Variants in NF1 observed in about 807,000 individuals in gnomAD.
NF1 encodes the protein neurofibromin 1.
In NF1, 122 loss-of-function variants were observed where a neutral mutation model predicts 325.7. The ratio of observed to expected loss-of-function variants is 0.37; its 90% CI spans 0.32 to 0.44. The LOEUF (loss-of-function observed/expected upper bound fraction) is 0.44. NF1 is among the 20% of genes least tolerant of loss of function. The pLI, the probability that NF1 is intolerant of heterozygous loss-of-function variation, is 1.00. For synonymous variants in NF1, 1,091 were observed against 1,186.0 expected (o/e 0.92, Z 1.65); for missense variants, 2,140 against 3,415.4 (o/e 0.63, Z 9.31).
In NF1 at chr17:31,181,727, A is replaced by G. The variant is rs2143777618; in HGVS notation, c.672A>G (p.Val224=). ...ATTTATAGGCATTTTGGAACTGGGT[A>G]GAAAATTATCCAGATGAATTTACAA... ...NSLEKAFWNW[V]ENYPDEFTKL... Residue 224 remains valine, a synonymous_variant, in exon 7 of 58, where the codon GTA becomes GTG. Transcript: ENST00000358273. The G allele has an allele frequency of 6.2e-7, 1 of 1,609,582 alleles. No homozygotes were observed. Among genetic ancestry groups the G allele is most frequent in the South Asian group, 1.1e-5 (1 of 91,000 alleles).
chr17:31,264,681 G>A (rs1194516656), intron 35 of NF1, among the ~76,000 whole-genome samples: 2 of 152,248 alleles, frequency 1.3e-5, no homozygotes, highest in South Asian at 2.1e-4. Flanking sequence ...AGCACACTGA[G>A]TCTTGAGCAA....
chr17:31,342,879 A>T, intron 47 of NF1, 130 bp from the exon 48 acceptor site: 3 of 1,173,864 alleles, frequency 2.6e-6, no homozygotes, highest in Non-Finnish European at 3.7e-6. Context: ...TCTGCAGTCA[A>T]CTGAAAATAA....
intron 29 of NF1, among the ~76,000 whole-genome samples, chr17:31,247,677 G>A (rs1157228877): frequency 6.6e-6 from 1 of 152,148 alleles, no homozygotes; most frequent in Non-Finnish European, 1.5e-5. Flanking sequence ...TTAGGTAGCT[G>A]CCTTAGAGAA....
intron 8 of NF1, among the ~76,000 whole-genome samples, chr17:31,184,746 A>G (rs2143799183): frequency 1.3e-5 from 2 of 152,352 alleles, no homozygotes; most frequent in South Asian, 4.1e-4. Context: ...CTGAGCCTCA[A>G]ATCTGCTAAG....
chr17:31,318,712 C>A, intron 36 of NF1: 1 of 1,614,060 alleles, frequency 6.2e-7, no homozygotes, highest in Non-Finnish European at 8.5e-7. Flanking sequence ...AGGACTGTTG[C>A]TGACGACAGA....
intron 1 of NF1, among the ~76,000 whole-genome samples, chr17:31,124,970 T>A (rs1389137754): frequency 1.3e-5 from 2 of 149,568 alleles, no homozygotes; most frequent in African/African-American, 5.1e-5. Context: ...TTGTACAGTT[T>A]ATACTTAAAA....
chr17:31,176,725 TG>T (rs2066029227), intron 5 of NF1, among the ~76,000 whole-genome samples: 1 of 152,240 alleles, frequency 6.6e-6, no homozygotes, highest in Non-Finnish European at 1.5e-5. Context: ...TTTCTGCATA[TG>T]GCTAGCCAGT....
chr17:31,123,914 A>G (rs1001954554), intron 1 of NF1, among the ~76,000 whole-genome samples: 1 of 151,948 alleles, frequency 6.6e-6, no homozygotes, highest in African/African-American at 2.4e-5. Context: ...GTCTCTTTAT[A>G]TGTTTATGTG....
rs1192120725 is a variant in NF1, at chr17:31,337,843, T to C, written c.6667T>C (p.Cys2223Arg). 3.7e-6 allele frequency: 6 copies of C among 1,613,900 alleles called. No homozygotes were observed. Among genetic ancestry groups the C allele is most frequent in the Non-Finnish European group, 5.1e-6 (6 of 1,179,934 alleles). ...GGCATGCATGAGAGATATTCCAACGTGCAAGTGGCTGGACCAGTGGACAGA... is the reference window on the plus strand; with the variant it reads ...GGCATGCATGAGAGATATTCCAACGCGCAAGTGGCTGGACCAGTGGACAGA... ...MEACMRDIPT[C>R]KWLDQWTELA... The change falls in exon 44 of 58, where the codon TGC becomes CGC. Residue 2223 changes from cysteine to arginine, a missense_variant. By Grantham distance (180) the Cys-to-Arg change is radical. Transcript: ENST00000358273.
rs1555534661 is a variant in NF1, at chr17:31,336,634, G to T, written c.6148-1G>T. The T allele has an allele frequency of 6.2e-7, 1 of 1,607,850 alleles. No individual in the cohort carries two copies. Among genetic ancestry groups the T allele is most frequent in the Admixed American group, 1.7e-5 (1 of 59,186 alleles). ...AAAAAAAAAATCCTGCTTCTTTACAGGTTATTGGAAGGATGTGCAAAATAA... is the reference window on the plus strand; with the variant it reads ...AAAAAAAAAATCCTGCTTCTTTACATGTTATTGGAAGGATGTGCAAAATAA... On this transcript the variant is annotated splice_acceptor_variant, in intron 41 of 57. Coordinates refer to ENST00000358273, the MANE Select transcript of NF1 (RefSeq NM_001042492.3). LOFTEE classifies it high-confidence loss of function. The surrounding 1 kb of genome is among the most constrained non-coding windows in gnomAD (Gnocchi z 5.5).
At position 31,112,251 on chromosome 17, in the gene NF1, A is replaced by G. The variant is rs528875918; in HGVS notation, c.60+16882A>G. Among the ~76,000 whole-genome samples the G allele has an allele frequency of 2.6e-5, 4 of 152,312 alleles. No homozygotes were observed. The East Asian group carries it at 7.7e-4, about 29-fold the overall frequency. ...AAATAAAGTTGTCTTGAAGATTCAT[A>G]TACATGACTGTCATTTCTCTTGAGT... On this transcript the variant is annotated intron_variant, in intron 1 of 57. Coordinates refer to ENST00000358273, the MANE Select transcript of NF1 (RefSeq NM_001042492.3).
intron 47 of NF1, among the ~76,000 whole-genome samples, chr17:31,341,320 T>C (rs1028681348): frequency 2.0e-5 from 3 of 151,676 alleles, no homozygotes; most frequent in Non-Finnish European, 4.4e-5. Context: ...AGCTCAGGAG[T>C]TAGAGAACAG....
At chr17:31,338,203 C>A (rs1214791332) in intron 45 of NF1, 64 bp downstream of exon 45, 12 of 1,184,456 alleles carry the variant, frequency 1.0e-5, no homozygotes, top group Non-Finnish European at 1.4e-5. Flanking sequence ...GCATATCTTT[C>A]ATTTTTCTAA....
intron 1 of NF1, among the ~76,000 whole-genome samples, chr17:31,129,357 G>A (rs1208503408): frequency 6.6e-6 from 1 of 150,830 alleles, no homozygotes. Flanking sequence ...CTTTATTCTT[G>A]TCTGTCTTCT....
At chr17:31,344,259 G>A (rs1015627545) in intron 48 of NF1, among the ~76,000 whole-genome samples, 1 of 152,090 alleles carries the variant, frequency 6.6e-6, no homozygotes, top group Non-Finnish European at 1.5e-5. Flanking sequence ...GTGATCTCCA[G>A]CTATTCCTCA....
intron 32 of NF1, among the ~76,000 whole-genome samples, 187 bp from the exon 33 acceptor site, chr17:31,258,845 A>T (rs538528342): frequency 6.6e-6 from 1 of 152,308 alleles, no homozygotes; most frequent in African/African-American, 2.4e-5. Flanking sequence ...ACATGTAAAT[A>T]TAATAATTAT....
At chr17:31,232,921 T>G in intron 26 of NF1, 40 bp downstream of exon 26, 2 of 1,613,640 alleles carry the variant, frequency 1.2e-6, no homozygotes, top group Non-Finnish European at 1.7e-6. Flanking sequence ...ATACAAAACC[T>G]AGAGAACTGG....
chr17:31,233,276 A>G, intron 27 of NF1, 63 bp downstream of exon 27: 1 of 1,367,072 alleles, frequency 7.3e-7, no homozygotes, highest in Non-Finnish European at 1.0e-6. Flanking sequence ...TTCAGAATAT[A>G]TTTGTTCAAT....
intron 1 of NF1, 49 bp from the exon 2 acceptor site, chr17:31,155,934 G>A (rs368403117): frequency 4.2e-4 from 658 of 1,582,838 alleles, no homozygotes; most frequent in Non-Finnish European, 5.3e-4. Flanking sequence ...ATTTATGGTC[G>A]TTTTTAAGGA....
Sources: gnomAD v4.1 joint callset for allele counts (sites outside exome capture counted in the v4.1 genomes callset) on GRCh38, gnomAD v4.1.1 for gene constraint, Gnocchi (gnomAD v3.1) non-coding constraint, MANE v1.5 for transcripts, NCBI Gene and HGNC (gene_info 2026-07-23, HGNC 2026-07-21) for gene names.